The following PLCB1 variants were observed in gnomAD, a reference collection of about 807,000 sequenced individuals.
The protein encoded by PLCB1 is 1-phosphatidylinositol 4,5-bisphosphate phosphodiesterase beta-1.
PLCB1 carries 46 observed loss-of-function variants against 161.8 expected under a neutral mutation model. The ratio of observed to expected loss-of-function variants is 0.28; its 90% CI spans 0.22 to 0.36. The LOEUF (loss-of-function observed/expected upper bound fraction) is 0.36, where lower values mean the gene tolerates loss of function less well. PLCB1 is among the 10% of genes least tolerant of loss of function. PLCB1 has a pLI of 1.00. For synonymous variants in PLCB1, 517 were observed against 503.7 expected, an observed-to-expected ratio of 1.03 and a Z score of -0.35; for missense variants, 1,016 against 1,472.5, an observed-to-expected ratio of 0.69 and a Z score of 5.07.
chr20:8,376,618 A>C (rs1262661109), intron 3 of PLCB1, among the ~76,000 whole-genome samples: 2 of 152,178 alleles, frequency 1.3e-5, no homozygotes, highest in Non-Finnish European at 2.9e-5. Flanking sequence ...TGGTAGTTTT[A>C]AACTGGGTCT....
At chr20:8,524,448 T>C (rs1600127129) in intron 3 of PLCB1, among the ~76,000 whole-genome samples, 1 of 152,196 alleles carries the variant, frequency 6.6e-6, no homozygotes, top group Non-Finnish European at 1.5e-5. Context: ...TAATCGGTCA[T>C]GGCACTTGTT....
Position 8,250,554 on chromosome 20 carries a change from A to G in PLCB1, c.177+100183A>G, listed in dbSNP as rs141251316. On this transcript the variant is annotated intron_variant, in intron 2 of 31. Coordinates refer to ENST00000338037, the MANE Select transcript of PLCB1 (RefSeq NM_015192.4). The stretch of plus-strand genomic sequence containing the variant: ...TTTTTAACCTTTCCTTTTAAAAAAA[A>G]ATCCCTTAATCCACAGTCTAATAAA... Among the ~76,000 whole-genome samples the G allele has an allele frequency of 3.5e-3, 525 of 151,984 alleles. 2 individuals carry two copies. Among genetic ancestry groups the G allele is most frequent in the Middle Eastern group, 0.014 (4 of 294 alleles).
intron 2 of PLCB1, among the ~76,000 whole-genome samples, chr20:8,195,316 G>A (rs1006295781): frequency 6.6e-6 from 1 of 152,008 alleles, no homozygotes; most frequent in Non-Finnish European, 1.5e-5. Context: ...AATCCCCAAT[G>A]AGAGGGTATT....
At chr20:8,538,019 T>G (rs1985122496) in intron 3 of PLCB1, among the ~76,000 whole-genome samples, 1 of 152,162 alleles carries the variant, frequency 6.6e-6, no homozygotes, top group Non-Finnish European at 1.5e-5. Flanking sequence ...CATCAACAAA[T>G]TAGTCAATCA....
intron 10 of PLCB1, among the ~76,000 whole-genome samples, chr20:8,692,702 G>A (rs1990505479): frequency 6.6e-6 from 1 of 151,958 alleles, no homozygotes; most frequent in African/African-American, 2.4e-5. Context: ...TGTCTTTTTG[G>A]TCTCCTTATG....
chr20:8,788,345 C>A (rs1228730074), intron 27 of PLCB1, 104 bp from the exon 28 acceptor site: 2 of 1,004,110 alleles, frequency 2.0e-6, no homozygotes, highest in Non-Finnish European at 3.0e-6. Context: ...TGTGAAACAT[C>A]CATCACAGAT....
At chr20:8,722,834 G>A (rs575812849) in intron 15 of PLCB1, among the ~76,000 whole-genome samples, 2 of 152,106 alleles carry the variant, frequency 1.3e-5, no homozygotes, top group African/African-American at 2.4e-5. Flanking sequence ...GAGACCTCAC[G>A]CCTTTAAAAA....
intron 3 of PLCB1, among the ~76,000 whole-genome samples, chr20:8,487,034 A>G (rs562879000): frequency 8.5e-4 from 130 of 152,314 alleles, no homozygotes; most frequent in African/African-American, 2.9e-3. Context: ...TTGACAGAAA[A>G]GTGAATGTTT....
chr20:8,619,276 G>A (rs1051994083), intron 3 of PLCB1, among the ~76,000 whole-genome samples: 7 of 151,916 alleles, frequency 4.6e-5, no homozygotes, highest in African/African-American at 1.2e-4. Context: ...AAAATTAGCC[G>A]GGCGTGGTGG....
chr20:8,509,632 G>A (rs188380904), intron 3 of PLCB1, among the ~76,000 whole-genome samples: 133 of 152,018 alleles, frequency 8.7e-4, no homozygotes, highest in African/African-American at 3.1e-3. Context: ...TTTAAAATGT[G>A]AAAAAAGAGA....
chr20:8,626,879 C>T (rs988887724), intron 3 of PLCB1, among the ~76,000 whole-genome samples: 1 of 152,218 alleles, frequency 6.6e-6, no homozygotes, highest in Non-Finnish European at 1.5e-5. Flanking sequence ...AATTAGCCTT[C>T]ACAAAACATT....
intron 26 of PLCB1, among the ~76,000 whole-genome samples, chr20:8,773,167 G>A (rs1982777177): frequency 6.6e-6 from 1 of 152,132 alleles, no homozygotes; most frequent in Non-Finnish European, 1.5e-5. Context: ...CACTGATGCT[G>A]GCCCAATTCA....
At chr20:8,275,176 T>A (rs926840470) in intron 2 of PLCB1, among the ~76,000 whole-genome samples, 3 of 152,072 alleles carry the variant, frequency 2.0e-5, no homozygotes. Flanking sequence ...ATGTTCTTTC[T>A]AGAATTTCAG....
In PLCB1 at chr20:8,740,345, C is replaced by G. The variant is rs748109036; in HGVS notation, c.2310C>G (p.Gly770=). ...CACAGCATTATTCTCACCTTCCAGG[C>G]TATCACTATATCTGTCTAAGGAATG... ...RILPVQAIRP[G]YHYICLRNER... Residue 770 remains glycine (G), a splice_region_variant and synonymous_variant, in exon 22 of 32, where the codon GGC becomes GGG. Coordinates refer to ENST00000338037, the MANE Select transcript of PLCB1 (RefSeq NM_015192.4). 1.3e-6 allele frequency: 2 copies of G among 1,564,664 alleles called. No individual in the cohort carries two copies. The highest frequency in any genetic ancestry group is 1.8e-6 in the Non-Finnish European group (2 of 1,138,776).
intron 1 of PLCB1, among the ~76,000 whole-genome samples, chr20:8,147,521 T>C (rs1216890524): frequency 6.6e-6 from 1 of 152,208 alleles, no homozygotes; most frequent in Admixed American, 6.5e-5. Flanking sequence ...GAGTGGCTAC[T>C]TTGGTATGGG....
intron 9 of PLCB1, among the ~76,000 whole-genome samples, chr20:8,683,080 A>T (rs1228286189): frequency 6.6e-6 from 1 of 152,042 alleles, no homozygotes; most frequent in African/African-American, 2.4e-5. Flanking sequence ...GCTATAGTTA[A>T]ATATCCGCAT....
intron 2 of PLCB1, among the ~76,000 whole-genome samples, chr20:8,253,238 G>A (rs1981248601): frequency 6.6e-6 from 1 of 151,952 alleles, no homozygotes; most frequent in Admixed American, 6.6e-5. Context: ...GATAGGAATT[G>A]GTGGTCAAAT....
At chr20:8,352,206 A>G (rs1043357738) in intron 2 of PLCB1, among the ~76,000 whole-genome samples, 5 of 152,148 alleles carry the variant, frequency 3.3e-5, no homozygotes, top group African/African-American at 1.2e-4. Context: ...TTAAATGCAT[A>G]ATGCTAAGTG....
chr20:8,756,557 G>T (rs1457272385), intron 23 of PLCB1, among the ~76,000 whole-genome samples: 1 of 152,188 alleles, frequency 6.6e-6, no homozygotes, highest in African/African-American at 2.4e-5. Flanking sequence ...TCTCAGCCGG[G>T]TTCACTCAAG....
Sources: allele counts gnomAD v4.1 joint callset (sites outside exome capture counted in the v4.1 genomes callset), GRCh38; gene constraint gnomAD v4.1.1; transcripts MANE v1.5; gene names NCBI Gene and HGNC (gene_info 2026-07-23, HGNC 2026-07-21).